Variants in RCSD1 observed in about 807,000 individuals in gnomAD.
RCSD1 encodes RCSD domain containing 1.
Under a neutral mutation model 42.5 loss-of-function variants are expected in RCSD1, and 26 were observed. That is an observed-to-expected ratio of 0.61 (90% CI 0.45 to 0.85). The LOEUF is 0.85. Among genes scored for constraint, RCSD1 ranks in the 40% least tolerant of loss-of-function variants. RCSD1 has a pLI of 0.00. For synonymous variants in RCSD1, 220 were observed against 212.2 expected, an observed-to-expected ratio of 1.04 and a Z score of -0.32; for missense variants, 571 against 528.3, an observed-to-expected ratio of 1.08 and a Z score of -0.79.
intron 1 of RCSD1, among the ~76,000 whole-genome samples, chr1:167,662,020 G>A (rs1658551820): frequency 6.6e-6 from 1 of 152,172 alleles, no homozygotes; most frequent in Non-Finnish European, 1.5e-5. Context: ...CTGAGGGAGT[G>A]AGGAGTGCCC....
chr1:167,691,466 T>C (rs914821200), intron 4 of RCSD1, among the ~76,000 whole-genome samples: 2 of 152,204 alleles, frequency 1.3e-5, no homozygotes, highest in African/African-American at 4.8e-5. Context: ...GAGGCAGGCA[T>C]GTTATGTCCA....
chr1:167,673,133 C>T (rs1558084399), intron 1 of RCSD1, among the ~76,000 whole-genome samples: 1 of 152,006 alleles, frequency 6.6e-6, no homozygotes, highest in Non-Finnish European at 1.5e-5. Flanking sequence ...CTGCATTAGG[C>T]AATGGGAGAG....
In RCSD1 at chr1:167,697,128, C is replaced by T. The variant is rs1371981446; in HGVS notation, c.504C>T (p.Arg168=). ...KVRTRGSIKR[R]PPSRRFRRSQ... ...GGACGAGGGGCTCAATAAAAAGGCG[C>T]CCTCCCTCCAGGCGATTCCGAAGGT... Residue 168 remains arginine (R), a synonymous_variant, in exon 6 of 7, where the codon CGC becomes CGT. Coordinates refer to ENST00000367854, the MANE Select transcript of RCSD1 (RefSeq NM_052862.4). 2 of 1,613,580 alleles carry T rather than the reference C, an allele frequency of 1.2e-6. No homozygotes were observed. The highest frequency in any genetic ancestry group is 1.7e-6 in the Non-Finnish European group (2 of 1,179,810).
chr1:167,677,194 GA>G (rs138278426), intron 1 of RCSD1, among the ~76,000 whole-genome samples: 6,299 of 152,210 alleles, frequency 0.041, 185 homozygotes, highest in Middle Eastern at 0.099. Context: ...CCTCACCCCT[GA>G]AAAAGGCTGT....
intron 6 of RCSD1, among the ~76,000 whole-genome samples, chr1:167,704,426 T>C (rs13374212): frequency 0.02 from 3,116 of 152,304 alleles, 121 homozygotes; most frequent in African/African-American, 0.072. Flanking sequence ...TGTGCCTTCA[T>C]TGCCTCACCT....
At chr1:167,691,550 C>T (rs866690808) in intron 4 of RCSD1, among the ~76,000 whole-genome samples, 1 of 152,340 alleles carries the variant, frequency 6.6e-6, no homozygotes, top group Middle Eastern at 3.4e-3. Context: ...GAACAAGGTG[C>T]TTGTGCACCA....
intron 1 of RCSD1, among the ~76,000 whole-genome samples, chr1:167,669,050 C>T (rs369942527): frequency 1.3e-5 from 2 of 152,216 alleles, no homozygotes; most frequent in African/African-American, 4.8e-5. Context: ...GACACTTCCC[C>T]TATGCATTAA....
intron 5 of RCSD1, among the ~76,000 whole-genome samples, chr1:167,694,599 C>T (rs746080597): frequency 3.3e-5 from 5 of 152,278 alleles, no homozygotes; most frequent in South Asian, 2.1e-4. Flanking sequence ...TATGGAAATT[C>T]AGGATTGATC....
At chr1:167,635,455 G>T (rs925059264) in intron 1 of RCSD1, among the ~76,000 whole-genome samples, 2 of 152,198 alleles carry the variant, frequency 1.3e-5, no homozygotes, top group Admixed American at 6.5e-5. Context: ...CCCTATCACA[G>T]GAGGGGGTGA....
intron 1 of RCSD1, among the ~76,000 whole-genome samples, chr1:167,646,238 G>A (rs1284671281): frequency 6.6e-6 from 1 of 152,134 alleles, no homozygotes; most frequent in Non-Finnish European, 1.5e-5. Flanking sequence ...CAGAAGTGGA[G>A]TTTGGAGGGC....
At chr1:167,639,115 G>A (rs1050002036) in intron 1 of RCSD1, among the ~76,000 whole-genome samples, 3 of 152,194 alleles carry the variant, frequency 2.0e-5, no homozygotes, top group African/African-American at 7.2e-5. Context: ...TACTTGGGAG[G>A]CTGAGGCAGG....
chr1:167,694,901 G>C lies in RCSD1; in HGVS notation c.474+599G>C, dbSNP rs146915291. Among the ~76,000 whole-genome samples, 165 of 152,286 alleles carry C rather than the reference G, an allele frequency of 1.1e-3. 1 individual carries two copies. The highest frequency in any genetic ancestry group is 3.9e-3 in the African/African-American group (164 of 41,546). The stretch of plus-strand genomic sequence containing the variant: ...TTCATCACATCCCTCGCCCTGCTGG[G>C]AGGAGGTAAGGATCAGAGATAGGGG... On this transcript the variant is annotated intron_variant, in intron 5 of 6. Coordinates refer to ENST00000367854, the MANE Select transcript of RCSD1 (RefSeq NM_052862.4).
At chr1:167,688,343 AG>A (rs1659287519) in intron 3 of RCSD1, among the ~76,000 whole-genome samples, 1 of 152,170 alleles carries the variant, frequency 6.6e-6, no homozygotes, top group Non-Finnish European at 1.5e-5. Flanking sequence ...AGTTTCTAAA[AG>A]TTTCTCTGAA....
chr1:167,697,347 G>T lies in RCSD1; in HGVS notation c.723G>T (p.Arg241Ser). 1 of 1,614,060 alleles carries T rather than the reference G, an allele frequency of 6.2e-7. No homozygotes were observed. Among genetic ancestry groups the T allele is most frequent in the Non-Finnish European group, 8.5e-7 (1 of 1,179,974 alleles). Reference protein sequence around the residue: ...LGPAEKPPLRRSPSRTEKQEE... With the variant: ...LGPAEKPPLRSSPSRTEKQEE... ...CTGCTGAAAAGCCTCCTCTGAGGAG[G>T]TCACCCAGCAGGACAGAGAAGCAGG... The change falls in exon 6 of 7, where the codon AGG becomes AGT. Residue 241 changes from arginine (R) to serine (S), a missense_variant. Coordinates refer to ENST00000367854, the MANE Select transcript of RCSD1 (RefSeq NM_052862.4).
chr1:167,682,579 G>C (rs2102230425), intron 1 of RCSD1, among the ~76,000 whole-genome samples: 1 of 152,204 alleles, frequency 6.6e-6, no homozygotes, highest in Non-Finnish European at 1.5e-5. Flanking sequence ...CAGCATCTTA[G>C]AATGACTAAA....
chr1:167,684,099 G>A, intron 2 of RCSD1, 98 bp downstream of exon 2: 1 of 953,532 alleles, frequency 1.0e-6, no homozygotes, highest in African/African-American at 1.6e-5. Flanking sequence ...AGGCTTGGTA[G>A]TTACCAAATT....
At chr1:167,642,507 AG>A (rs1658031727) in intron 1 of RCSD1, among the ~76,000 whole-genome samples, 2 of 152,214 alleles carry the variant, frequency 1.3e-5, no homozygotes. Context: ...ACGAGAAGCT[AG>A]GGGTGCAGAT....
At position 167,707,261 on chromosome 1, in the gene RCSD1, A is replaced by C. The variant is rs887078131; in HGVS notation, c.*2565A>C. On this transcript the variant is annotated 3_prime_UTR_variant, in exon 7 of 7. Transcript: ENST00000367854. ...CAGTTTTTCATGCAGGTTTTGTCCT[A>C]TGACCAGTTAACTACATGTTCAATA... is the stretch of plus-strand genomic sequence containing the variant. Among the ~76,000 whole-genome samples, 2 of 152,222 alleles carry C rather than the reference A, an allele frequency of 1.3e-5. No homozygotes were observed. Among genetic ancestry groups the C allele is most frequent in the Non-Finnish European group, 2.9e-5 (2 of 68,048 alleles).
intron 1 of RCSD1, among the ~76,000 whole-genome samples, chr1:167,651,236 A>G (rs918736182): frequency 1.3e-5 from 2 of 152,228 alleles, no homozygotes; most frequent in African/African-American, 2.4e-5. Context: ...GCCCAGGACA[A>G]TGCCACCAGC....
Sources: allele counts gnomAD v4.1 joint callset (sites outside exome capture counted in the v4.1 genomes callset), GRCh38; gene constraint gnomAD v4.1.1; transcripts MANE v1.5; gene names NCBI Gene and HGNC (gene_info 2026-07-23, HGNC 2026-07-21).